TNNT3: variants seen among roughly 807,000 people sequenced by gnomAD.
The protein encoded by TNNT3 is troponin T, fast skeletal muscle.
A neutral mutation model predicts 54.2 loss-of-function variants in TNNT3; 36 were observed. That is an observed-to-expected ratio of 0.66 (90% CI 0.51 to 0.88). The LOEUF (loss-of-function observed/expected upper bound fraction) is 0.88. Among genes scored for constraint, TNNT3 ranks in the 40% least tolerant of loss-of-function variants. The pLI, the probability that TNNT3 is intolerant of heterozygous loss-of-function variation, is 0.00. For missense variants in TNNT3, 291 were observed against 331.6 expected (o/e 0.88, Z 0.95); for synonymous variants, 120 against 109.7 (o/e 1.09, Z -0.59).
chr11:1,927,266 C>A (rs112834112), intron 6 of TNNT3, among the ~76,000 whole-genome samples: 1,561 of 152,328 alleles, frequency 0.01, 15 homozygotes, highest in Middle Eastern at 0.027. Flanking sequence ...CCAGTCAGGT[C>A]CCAGCATCCC....
chr11:1,933,978 G>C lies in TNNT3; in HGVS notation c.336G>C (p.Glu112Asp), dbSNP rs1390212637. 5 of 1,612,594 alleles carry C rather than the reference G, an allele frequency of 3.1e-6. No individual in the cohort carries two copies. The highest frequency in any genetic ancestry group is 4.2e-6 in the Non-Finnish European group (5 of 1,179,908). Residue 112 changes from glutamate to aspartate, a missense_variant, in exon 11 of 16, where the codon GAG becomes GAC. Transcript: ENST00000278317. ...CGGAGCAGCAGAGGATTCGTGCAGA[G>C]AAGGAGAGGGAGCGCCAGAACAGAC... Reference protein sequence around the residue: ...ERAEQQRIRAEKERERQNRLA... With the variant: ...ERAEQQRIRADKERERQNRLA...
At chr11:1,929,244 C>G in intron 7 of TNNT3, 101 bp downstream of exon 7, 2 of 1,384,746 alleles carry the variant, frequency 1.4e-6, no homozygotes, top group Middle Eastern at 1.8e-4. Context: ...GCCTCCTCCT[C>G]CCTCTGTCCT....
intron 14 of TNNT3, chr11:1,935,262 A>C: frequency 2.6e-6 from 1 of 387,514 alleles, no homozygotes; most frequent in Non-Finnish European, 4.9e-6. Context: ...AGCTTATAGA[A>C]AGTCCCCATC....
At chr11:1,922,689 G>T in intron 1 of TNNT3, 168 bp from the exon 2 acceptor site, 1 of 669,830 alleles carries the variant, frequency 1.5e-6, no homozygotes. Context: ...CTGGAGAAAG[G>T]GGAGGCCCAA....
At chr11:1,926,632 C>T (rs1362410446) in intron 5 of TNNT3, 63 bp from the exon 6 acceptor site, 39 of 1,612,038 alleles carry the variant, frequency 2.4e-5, no homozygotes, top group Non-Finnish European at 3.1e-5. Context: ...TCTGCGCTGC[C>T]ACCACTCACA....
At position 1,923,550 on chromosome 11, in the gene TNNT3, T is replaced by C; in HGVS notation, c.32-5T>C. The C allele has an allele frequency of 6.2e-7, 1 of 1,613,964 alleles. No individual in the cohort carries two copies. The highest frequency in any genetic ancestry group is 1.7e-4 in the Middle Eastern group (1 of 6,058). On this transcript the variant is annotated splice_region_variant and splice_polypyrimidine_tract_variant and intron_variant, in intron 3 of 15. Coordinates refer to ENST00000278317, the MANE Select transcript of TNNT3 (RefSeq NM_006757.4). ...GGTTCCCCTCTTTGTTCTGTCCCAATGCAGAGCAGTACGAAGAAGAAGGTA... is the reference window on the plus strand; with the variant it reads ...GGTTCCCCTCTTTGTTCTGTCCCAACGCAGAGCAGTACGAAGAAGAAGGTA...
At chr11:1,938,054 C>G (rs938013399) in intron 15 of TNNT3, 1 of 329,260 alleles carries the variant, frequency 3.0e-6, no homozygotes, top group Non-Finnish European at 6.0e-6. Flanking sequence ...GGGGCAGGCT[C>G]CTGGGCCCCT....
At chr11:1,933,892 C>T (rs376479302) in intron 10 of TNNT3, 39 bp from the exon 11 acceptor site, 68 of 1,611,916 alleles carry the variant, frequency 4.2e-5, no homozygotes, top group South Asian at 2.4e-4. Context: ...TCGGAGGAGC[C>T]GGGGACAGGG....
At chr11:1,924,925 C>T (rs1851106141) in intron 4 of TNNT3, 174 bp from the exon 5 acceptor site, 2 of 730,886 alleles carry the variant, frequency 2.7e-6, no homozygotes, top group East Asian at 2.7e-5. Flanking sequence ...CCGGGGCTGG[C>T]CAGAGATGCA....
chr11:1,925,316 G>C (rs372142501), intron 5 of TNNT3, 200 bp downstream of exon 5: 2 of 1,567,584 alleles, frequency 1.3e-6, no homozygotes, highest in Non-Finnish European at 1.7e-6. Flanking sequence ...TGTGGGGCCC[G>C]GGGCCTGGCT....
chr11:1,924,468 CTA>C (rs1316922914), intron 4 of TNNT3, among the ~76,000 whole-genome samples: 5 of 152,212 alleles, frequency 3.3e-5, no homozygotes, highest in African/African-American at 9.7e-5. Flanking sequence ...GTCCTGAGTG[CTA>C]TGTTTTGAAA....
chr11:1,922,748 G>A (rs1436861438), intron 1 of TNNT3, 109 bp from the exon 2 acceptor site: 8 of 1,087,632 alleles, frequency 7.4e-6, no homozygotes, highest in Non-Finnish European at 1.1e-5. Flanking sequence ...CCCTGCCCGC[G>A]GTCCCCCACA....
In TNNT3 at chr11:1,938,575, C is replaced by A; in HGVS notation, c.*83C>A. The A allele has an allele frequency of 7.1e-7, 1 of 1,403,782 alleles. No individual in the cohort carries two copies. The highest frequency in any genetic ancestry group is 1.0e-6 in the Non-Finnish European group (1 of 1,003,006). The allele number at this position is 1,403,782 out of a possible 1,614,324, so 87.0% of individuals were successfully genotyped here. ...GCTCGTGGGACTCCACATCCTCCAGCCCCCACAATCCTGTCAGGGGCTCCC... is the reference window on the plus strand; with the variant it reads ...GCTCGTGGGACTCCACATCCTCCAGACCCCACAATCCTGTCAGGGGCTCCC... On this transcript the variant is annotated 3_prime_UTR_variant, in exon 16 of 16. Transcript: ENST00000278317.
intron 5 of TNNT3, among the ~76,000 whole-genome samples, chr11:1,926,309 C>T (rs538620585): frequency 7.9e-5 from 12 of 152,324 alleles, no homozygotes; most frequent in East Asian, 3.9e-4. Flanking sequence ...GGGCGGTGGC[C>T]GCGCCTGGGC....
At chr11:1,932,565 G>C in intron 9 of TNNT3, 51 bp downstream of exon 9, 3 of 1,595,192 alleles carry the variant, frequency 1.9e-6, no homozygotes, top group Non-Finnish European at 2.6e-6. Context: ...CCACACCCCA[G>C]CTTTTGGGCT....
At chr11:1,936,824 G>A (rs1189322173) in intron 14 of TNNT3, 139 bp from the exon 15 acceptor site, 3 of 827,404 alleles carry the variant, frequency 3.6e-6, no homozygotes, top group Non-Finnish European at 6.0e-6. Context: ...GACAGTAAGG[G>A]AGCCGAGGAG....
rs1291438204 is a variant in TNNT3, at chr11:1,938,698, C to T, written c.*206C>T. On this transcript the variant is annotated 3_prime_UTR_variant, in exon 16 of 16. Transcript: ENST00000278317. Reference sequence around the variant, plus strand: ...GGGGCCTGTGAATAAAGCTGCAGAACCCCCTTCACAGTCTGTACTTGCTTC... The same window carrying T: ...GGGGCCTGTGAATAAAGCTGCAGAATCCCCTTCACAGTCTGTACTTGCTTC... 1 of 679,504 alleles carries T rather than the reference C, an allele frequency of 1.5e-6. No individual in the cohort carries two copies. The highest frequency in any genetic ancestry group is 1.5e-5 in the South Asian group (1 of 66,634). 42.1% of individuals were successfully genotyped at this position (679,504 alleles called of 1,614,324 possible).
intron 8 of TNNT3, among the ~76,000 whole-genome samples, chr11:1,930,460 C>A (rs765839402): frequency 2.0e-5 from 3 of 152,168 alleles, no homozygotes; most frequent in Non-Finnish European, 2.9e-5. Flanking sequence ...CCCTTTGGGG[C>A]AGAATTCAGA....
chr11:1,936,063 C>A, intron 14 of TNNT3: 1 of 815,536 alleles, frequency 1.2e-6, no homozygotes, highest in Non-Finnish European at 2.0e-6. Context: ...AGAGCTGAAT[C>A]AGGGACCCAC....
Sources: gnomAD v4.1 joint callset for allele counts (sites outside exome capture counted in the v4.1 genomes callset) on GRCh38, gnomAD v4.1.1 for gene constraint, MANE v1.5 for transcripts, NCBI Gene and HGNC (gene_info 2026-07-23, HGNC 2026-07-21) for gene names.